Variants in PLAC1 observed in about 807,000 individuals in gnomAD.
The protein encoded by PLAC1 is placenta associated 1.
For synonymous variants in PLAC1, 68 were observed against 62.1 expected, an observed-to-expected ratio of 1.09 and a Z score of -0.44; for missense variants, 136 against 163.2, an observed-to-expected ratio of 0.83 and a Z score of 0.91.
At chrX:134,693,901 C>T (rs956660571) in intron 2 of PLAC1, among the ~76,000 whole-genome samples, 2 of 110,774 alleles carry the variant, frequency 1.8e-5, no homozygotes, top group African/African-American at 6.6e-5. Flanking sequence ...AACACAGCCT[C>T]TAAGTGCAAG....
intron 1 of PLAC1, chrX:134,605,948 A>G (rs981968280): frequency 8.9e-6 from 1 of 111,841 alleles, no homozygotes; most frequent in African/African-American, 3.3e-5. Context: ...GCCAATAGAA[A>G]GTGGTATTTG....
At chrX:134,672,179 G>A (rs1423244063) in intron 2 of PLAC1, among the ~76,000 whole-genome samples, 2 of 112,142 alleles carry the variant, frequency 1.8e-5, no homozygotes, top group African/African-American at 3.2e-5. Flanking sequence ...TGGTGGTGAC[G>A]ACCCTACTAT....
At chrX:134,698,613 C>T (rs2078572726) in intron 2 of PLAC1, among the ~76,000 whole-genome samples, 1 of 111,369 alleles carries the variant, frequency 9.0e-6, no homozygotes, top group African/African-American at 3.3e-5. Flanking sequence ...CTTGATCTCT[C>T]CATGTTAAAG....
At chrX:134,589,792 C>A (rs1179019415) in intron 2 of PLAC1, among the ~76,000 whole-genome samples, 1 of 110,100 alleles carries the variant, frequency 9.1e-6, no homozygotes, top group African/African-American at 3.3e-5. Context: ...GCTTTCCTAT[C>A]ATTAGTCCAT....
At chrX:134,672,999 C>T (rs1359076981) in intron 2 of PLAC1, among the ~76,000 whole-genome samples, 3 of 112,492 alleles carry the variant, frequency 2.7e-5, no homozygotes, top group Middle Eastern at 9.3e-3. Context: ...TTTTCCCCCT[C>T]TGTGTCTGCT....
intron 2 of PLAC1, among the ~76,000 whole-genome samples, chrX:134,680,410 C>G (rs1015034509): frequency 9.0e-6 from 1 of 111,033 alleles, no homozygotes; most frequent in Non-Finnish European, 1.9e-5. Flanking sequence ...CACATGCCAG[C>G]GTGCCCTGGA....
At chrX:134,626,351 T>C (rs141733240) in intron 1 of PLAC1, among the ~76,000 whole-genome samples, 1 of 112,657 alleles carries the variant, frequency 8.9e-6, no homozygotes, top group Admixed American at 9.4e-5. Context: ...AACAGTTTAC[T>C]CCCAGTGTTT....
intron 1 of PLAC1, among the ~76,000 whole-genome samples, chrX:134,656,511 T>A (rs1013163014): frequency 8.9e-6 from 1 of 112,084 alleles, no homozygotes; most frequent in Non-Finnish European, 1.9e-5. Context: ...TGAATTTCCA[T>A]AGCACTTGTG....
At chrX:134,756,656 T>C (rs1431789975) in intron 1 of PLAC1, among the ~76,000 whole-genome samples, 2 of 110,342 alleles carry the variant, frequency 1.8e-5, no homozygotes, top group Non-Finnish European at 3.8e-5. Context: ...GAGACCATCC[T>C]GGCTAACACA....
At chrX:134,592,713 T>G (rs982630495) in intron 2 of PLAC1, among the ~76,000 whole-genome samples, 2 of 96,931 alleles carry the variant, frequency 2.1e-5, no homozygotes, top group African/African-American at 7.6e-5. Context: ...TCTCTCTCTC[T>G]GTGTCTCTTT....
At chrX:134,639,503 A>G (rs1441090798) in intron 1 of PLAC1, among the ~76,000 whole-genome samples, 2 of 111,619 alleles carry the variant, frequency 1.8e-5, no homozygotes, top group Non-Finnish European at 3.8e-5. Context: ...CAGCTAGTCT[A>G]CCCTTCCCAC....
intron 1 of PLAC1, among the ~76,000 whole-genome samples, chrX:134,635,433 G>A (rs913548565): frequency 9.1e-6 from 1 of 110,387 alleles, no homozygotes; most frequent in African/African-American, 3.3e-5. Context: ...AGTCTCCTGG[G>A]GTCAAGCAAA....
chrX:134,616,004 A>G (rs1313216971), intron 1 of PLAC1, among the ~76,000 whole-genome samples: 1 of 110,407 alleles, frequency 9.1e-6, no homozygotes. Context: ...TTTAAGAGAC[A>G]GGGTCTTGCT....
At chrX:134,583,434 G>T (rs1308551323) in intron 2 of PLAC1, among the ~76,000 whole-genome samples, 2 of 77,421 alleles carry the variant, frequency 2.6e-5, no homozygotes, top group Admixed American at 1.7e-4. Flanking sequence ...CATCTGAGTT[G>T]TTTTTTTTTT....
At chrX:134,736,054 G>A (rs1248809475) in intron 1 of PLAC1, among the ~76,000 whole-genome samples, 1 of 110,337 alleles carries the variant, frequency 9.1e-6, no homozygotes, top group Non-Finnish European at 1.9e-5. Flanking sequence ...GAGGCAGGCG[G>A]ATCATAAGAT....
At chrX:134,745,196 C>A (rs1000082839) in intron 1 of PLAC1, among the ~76,000 whole-genome samples, 14 of 111,915 alleles carry the variant, frequency 1.3e-4, no homozygotes. Flanking sequence ...CAGTTGAAGA[C>A]CTCACACCCA....
At chrX:134,635,603 G>C (rs1373989452) in intron 1 of PLAC1, among the ~76,000 whole-genome samples, 1 of 111,740 alleles carries the variant, frequency 8.9e-6, no homozygotes, top group Non-Finnish European at 1.9e-5. Context: ...GCCTCCCAAA[G>C]TGTAGGGATT....
At chrX:134,607,593 G>A (rs771417098) in intron 1 of PLAC1, 13 of 155,545 alleles carry the variant, frequency 8.4e-5, no homozygotes, top group East Asian at 1.7e-4. Flanking sequence ...GGAAGGAGCC[G>A]GAGCTGCTGG....
intron 2 of PLAC1, among the ~76,000 whole-genome samples, chrX:134,680,199 C>A (rs769580066): frequency 8.9e-6 from 1 of 112,064 alleles, no homozygotes; most frequent in Non-Finnish European, 1.9e-5. Context: ...TTCTAAGCAT[C>A]CCTTTGTTTA....
Sources: gnomAD v4.1 joint callset for allele counts (sites outside exome capture counted in the v4.1 genomes callset) on GRCh38, gnomAD v4.1.1 for gene constraint, MANE v1.5 for transcripts, NCBI Gene and HGNC (gene_info 2026-07-23, HGNC 2026-07-21) for gene names.